ZNF774: variants seen among roughly 807,000 people sequenced by gnomAD.
ZNF774 encodes zinc finger protein 774.
A neutral mutation model predicts 11.1 loss-of-function variants in ZNF774; 14 were observed. The ratio of observed to expected loss-of-function variants is 1.26; its 90% CI spans 0.83 to 1.97. The LOEUF (loss-of-function observed/expected upper bound fraction) is 1.97, where lower values mean the gene tolerates loss of function less well. Among genes scored for constraint, ZNF774 ranks in the 30% most tolerant of loss-of-function variants. ZNF774 has a pLI of 0.00. For missense variants in ZNF774, 599 were observed against 587.0 expected (o/e 1.02, Z -0.21); for synonymous variants, 195 against 212.6 (o/e 0.92, Z 0.72).
intron 2 of ZNF774, chr15:90,355,354 G>A (rs762752726): frequency 2.2e-6 from 1 of 456,002 alleles, no homozygotes; most frequent in South Asian, 1.5e-5. Flanking sequence ...TTTCCAGCCT[G>A]GGTTGGACTC....
intron 3 of ZNF774, among the ~76,000 whole-genome samples, chr15:90,359,323 C>T (rs951677217): frequency 4.6e-5 from 7 of 151,850 alleles, no homozygotes; most frequent in African/African-American, 9.7e-5. Flanking sequence ...CCACCCGCCT[C>T]GGCCTCCCAA....
At position 90,361,409 on chromosome 15, in the gene ZNF774, C is replaced by T; in HGVS notation, c.*126C>T. 6.7e-7 allele frequency: 1 copy of T among 1,490,884 alleles called. No individual in the cohort carries two copies. The highest frequency in any genetic ancestry group is 2.3e-5 in the Admixed American group (1 of 43,214). 92.4% of individuals were successfully genotyped at this position (1,490,884 alleles called of 1,614,324 possible). On this transcript the variant is annotated 3_prime_UTR_variant, in exon 4 of 4. Transcript: ENST00000354377. ...GGGCCCTGATCTATTCTCCCTCTTT[C>T]TTGTCTATGTTATAACAGAGAGGAT... is the stretch of plus-strand genomic sequence containing the variant.
intron 2 of ZNF774, chr15:90,355,357 T>A (rs996055395): frequency 4.4e-6 from 2 of 455,910 alleles, no homozygotes; most frequent in Non-Finnish European, 8.8e-6. Flanking sequence ...CCAGCCTGGG[T>A]TGGACTCTCA....
chr15:90,358,232 GTA>G (rs1178973333), intron 2 of ZNF774, among the ~76,000 whole-genome samples: 2 of 152,174 alleles, frequency 1.3e-5, no homozygotes, highest in African/African-American at 4.8e-5. Context: ...CAGAGTTTAA[GTA>G]ACTTTCTTAA....
chr15:90,354,491 C>T (rs1964216884), intron 1 of ZNF774, 151 bp from the exon 2 acceptor site: 10 of 585,534 alleles, frequency 1.7e-5, no homozygotes, highest in South Asian at 7.2e-5. Flanking sequence ...CTTAGAAAAG[C>T]ACCCCTCTGT....
intron 2 of ZNF774, 40 bp downstream of exon 2, chr15:90,354,804 G>A: frequency 6.6e-7 from 1 of 1,522,692 alleles, no homozygotes; most frequent in Non-Finnish European, 9.0e-7. Context: ...TATTTATCTT[G>A]TTTTTTTTGA....
chr15:90,360,857 A>T lies in ZNF774; in HGVS notation c.1026A>T (p.Ser342=), dbSNP rs1964323030. ...TTGTAGCTCACATGAGCACTCATTC[A>T]GGAGAGAGGCCTTTCAGTTGTCCTG... is the stretch of plus-strand genomic sequence containing the variant. ...SHFVAHMSTH[S]GERPFSCPDC... The change falls in exon 4 of 4, where the codon TCA becomes TCT. Residue 342 remains serine (S), a synonymous_variant. Transcript: ENST00000354377. 1.2e-6 allele frequency: 2 copies of T among 1,614,056 alleles called. No homozygotes were observed. Among genetic ancestry groups the T allele is most frequent in the Admixed American group, 3.3e-5 (2 of 60,002 alleles).
At chr15:90,353,546 C>A (rs779965351) in intron 1 of ZNF774, among the ~76,000 whole-genome samples, 1 of 150,658 alleles carries the variant, frequency 6.6e-6, no homozygotes, top group Non-Finnish European at 1.5e-5. Context: ...CTGGTCCTTC[C>A]TCCCTTGAAA....
chr15:90,353,028 C>T (rs13329212), intron 1 of ZNF774, among the ~76,000 whole-genome samples: 4,177 of 151,886 alleles, frequency 0.028, 172 homozygotes, highest in African/African-American at 0.094. Context: ...AATGCAATGG[C>T]GCTATCTCCT....
chr15:90,356,207 C>T (rs1409433184), intron 2 of ZNF774, among the ~76,000 whole-genome samples: 2 of 150,424 alleles, frequency 1.3e-5, no homozygotes, highest in East Asian at 4.0e-4. Flanking sequence ...CAACCTCTGC[C>T]TCCTAGGTTC....
intron 2 of ZNF774, 107 bp from the exon 3 acceptor site, chr15:90,358,744 G>A (rs1964281245): frequency 1.1e-5 from 8 of 737,662 alleles, no homozygotes; most frequent in Non-Finnish European, 1.8e-5. Context: ...ACACGTTAGA[G>A]CTCCCCAGGT....
At position 90,360,224 on chromosome 15, in the gene ZNF774, G is replaced by C. The variant is rs777743646; in HGVS notation, c.393G>C (p.Glu131Asp). 4 of 1,614,218 alleles carry C rather than the reference G, an allele frequency of 2.5e-6. No individual in the cohort carries two copies. The highest frequency in any genetic ancestry group is 3.4e-6 in the Non-Finnish European group (4 of 1,180,042). ...CCCTTCCAGGAGAGGGCCAGCTGGA[G>C]TCCTTTTCACAGGAGAGGGATTTAA... is the stretch of plus-strand genomic sequence containing the variant. ...HGTLPGEGQL[E>D]SFSQERDLNK... The change falls in exon 4 of 4, where the codon GAG becomes GAC. Residue 131 changes from glutamate to aspartate, a missense_variant. Transcript: ENST00000354377.
At position 90,358,129 on chromosome 15, in the gene ZNF774, G is replaced by A. The variant is rs756265253; in HGVS notation, c.105-722G>A. Among the ~76,000 whole-genome samples the A allele has an allele frequency of 4.0e-5, 6 of 151,738 alleles. 1 individual carries two copies. In the East Asian group the frequency reaches 5.8e-4, roughly 15 times the overall value. On this transcript the variant is annotated intron_variant, in intron 2 of 3. Transcript: ENST00000354377. The stretch of plus-strand genomic sequence containing the variant: ...TCTCAAACTCCTGACCTCGTAATCC[G>A]CCTGCCTCGGCCTCCCAAAGTTCTG...
intron 1 of ZNF774, among the ~76,000 whole-genome samples, chr15:90,352,791 A>AG (rs1308021562): frequency 6.6e-6 from 1 of 151,740 alleles, no homozygotes; most frequent in Admixed American, 6.6e-5. Context: ...ACTTAGTCAC[A>AG]GCCCCTCAGC....
At position 90,358,845 on chromosome 15, in the gene ZNF774, G is replaced by T; in HGVS notation, c.105-6G>T. ...ACTCACATCCTATGTTTACATTCCT[G>T]TGTAGAATTTCCAGGCCTAGTGTAA... On this transcript the variant is annotated splice_region_variant and splice_polypyrimidine_tract_variant and intron_variant, in intron 2 of 3. Transcript: ENST00000354377. 1.5e-5 allele frequency: 24 copies of T among 1,611,050 alleles called. No homozygotes were observed. The highest frequency in any genetic ancestry group is 2.0e-5 in the Non-Finnish European group (24 of 1,177,926).
chr15:90,362,623 C>G lies in ZNF774; in HGVS notation c.*1340C>G. 2.0e-6 allele frequency: 3 copies of G among 1,511,772 alleles called. No individual in the cohort carries two copies. The highest frequency in any genetic ancestry group is 1.8e-6 in the Non-Finnish European group (2 of 1,124,864). 93.6% of individuals were successfully genotyped at this position (1,511,772 alleles called of 1,614,324 possible). A position where few individuals can be genotyped will look rare whatever the true frequency, so the allele number is the denominator to read the frequency against. On this transcript the variant is annotated 3_prime_UTR_variant, in exon 4 of 4. Coordinates refer to ENST00000354377, the MANE Select transcript of ZNF774 (RefSeq NM_001004309.3). ...GGGACGGCAAGTGTGTTGGAAAGAA[C>G]ACCGACTTCATTGAGAAGGTAAAGT...
chr15:90,361,570 T>C lies in ZNF774; in HGVS notation c.*287T>C. 3 of 1,095,234 alleles carry C rather than the reference T, an allele frequency of 2.7e-6. No homozygotes were observed. The highest frequency in any genetic ancestry group is 3.4e-6 in the Non-Finnish European group (3 of 895,000). 67.8% of individuals were successfully genotyped at this position (1,095,234 alleles called of 1,614,324 possible). ...CTCACCCCTGTAATCCCAGCACTTTTGGGAGGCCAAGGTGGGTGGATCACT... is the reference window on the plus strand; with the variant it reads ...CTCACCCCTGTAATCCCAGCACTTTCGGGAGGCCAAGGTGGGTGGATCACT... On this transcript the variant is annotated 3_prime_UTR_variant, in exon 4 of 4. Coordinates refer to ENST00000354377, the MANE Select transcript of ZNF774 (RefSeq NM_001004309.3).
chr15:90,353,440 G>A (rs1964201665), intron 1 of ZNF774, among the ~76,000 whole-genome samples: 1 of 148,794 alleles, frequency 6.7e-6, no homozygotes, highest in Admixed American at 6.7e-5. Flanking sequence ...GTGTGTGTGT[G>A]TGTGTGTGTG....
rs1340638127 is a variant in ZNF774, at chr15:90,360,351, A to G, written c.520A>G (p.Thr174Ala). The G allele has an allele frequency of 1.2e-6, 2 of 1,614,086 alleles. No individual in the cohort carries two copies. Among genetic ancestry groups the G allele is most frequent in the Non-Finnish European group, 1.7e-6 (2 of 1,180,042 alleles). ...SYLIRHLRTH[T>A]GERPYTCIEC... The stretch of plus-strand genomic sequence containing the variant: ...TCTCATAAGACACCTAAGAACCCAC[A>G]CTGGCGAGAGGCCCTATACGTGCAT... The change falls in exon 4 of 4, where the codon ACT becomes GCT. Residue 174 changes from threonine to alanine, a missense_variant. Coordinates refer to ENST00000354377, the MANE Select transcript of ZNF774 (RefSeq NM_001004309.3).
Sources: gnomAD v4.1 joint callset for allele counts (sites outside exome capture counted in the v4.1 genomes callset) on GRCh38, gnomAD v4.1.1 for gene constraint, MANE v1.5 for transcripts, NCBI Gene and HGNC (gene_info 2026-07-23, HGNC 2026-07-21) for gene names.